Variants in VEZT observed in about 807,000 individuals in gnomAD.
The protein encoded by VEZT is vezatin, adherens junctions transmembrane protein.
A neutral mutation model predicts 79.9 loss-of-function variants in VEZT; 39 were observed. The ratio of observed to expected loss-of-function variants is 0.49; its 90% CI spans 0.38 to 0.64. VEZT has a LOEUF of 0.64. Among genes scored for constraint, VEZT ranks in the 30% least tolerant of loss-of-function variants. The pLI is 0.00. For synonymous variants in VEZT, 325 were observed against 327.6 expected (o/e 0.99, Z 0.09); for missense variants, 837 against 893.1 (o/e 0.94, Z 0.80).
intron 10 of VEZT, 79 bp from the exon 11 acceptor site, chr12:95,295,972 A>T: frequency 9.7e-7 from 1 of 1,034,690 alleles, no homozygotes; most frequent in Non-Finnish European, 1.4e-6. Flanking sequence ...TCTCAGAGAT[A>T]AGTAAGTGCA....
At chr12:95,230,053 T>C (rs1343789994) in intron 1 of VEZT, among the ~76,000 whole-genome samples, 1 of 141,950 alleles carries the variant, frequency 7.0e-6, no homozygotes, top group Non-Finnish European at 1.5e-5. Flanking sequence ...TGCAGCGAGC[T>C]GAGATCACAC....
At chr12:95,293,349 T>C (rs914435530) in intron 9 of VEZT, among the ~76,000 whole-genome samples, 4 of 152,236 alleles carry the variant, frequency 2.6e-5, no homozygotes, top group African/African-American at 9.6e-5. Context: ...ATTTTAACCA[T>C]TTAACTATTG....
At chr12:95,275,001 C>G in intron 7 of VEZT, 112 bp downstream of exon 7, 1 of 1,295,140 alleles carries the variant, frequency 7.7e-7, no homozygotes, top group East Asian at 2.5e-5. Context: ...TTGCTGCATA[C>G]CATCATCATA....
chr12:95,253,627 TTTTTGTTTTG>T (rs2062978080), intron 2 of VEZT, among the ~76,000 whole-genome samples: 1 of 152,184 alleles, frequency 6.6e-6, no homozygotes, highest in Non-Finnish European at 1.5e-5. Flanking sequence ...GACCTCTAAT[TTTTTGTTTTG>T]TTTTGTTTTG....
chr12:95,263,167 A>G, intron 4 of VEZT, 86 bp downstream of exon 4: 2 of 1,188,648 alleles, frequency 1.7e-6, no homozygotes. Context: ...TCCATTGTAA[A>G]GGCATAAACA....
intron 1 of VEZT, chr12:95,245,502 T>G (rs1377987098): frequency 2.2e-6 from 1 of 456,462 alleles, no homozygotes; most frequent in African/African-American, 2.0e-5. Context: ...ACTGTTCCTG[T>G]TTTGTTTTAT....
intron 1 of VEZT, 134 bp from the exon 2 acceptor site, chr12:95,251,806 C>T: frequency 1.5e-6 from 1 of 647,980 alleles, no homozygotes; most frequent in Non-Finnish European, 2.5e-6. Flanking sequence ...ACAGATAATT[C>T]AGTTCTTATA....
chr12:95,272,434 G>A (rs1056918270), intron 6 of VEZT, among the ~76,000 whole-genome samples: 2 of 152,170 alleles, frequency 1.3e-5, no homozygotes, highest in Non-Finnish European at 2.9e-5. Flanking sequence ...CATGATTGGA[G>A]TATAGAAAGA....
rs532694620 is a variant in VEZT, at chr12:95,282,321, C to T, written c.1005C>T (p.Phe335=). 2.5e-6 allele frequency: 4 copies of T among 1,597,914 alleles called. No individual in the cohort carries two copies. The South Asian group carries it at 4.6e-5, about 18-fold the overall frequency. Residue 335 remains phenylalanine (F), a synonymous_variant, in exon 8 of 12, where the codon TTC becomes TTT. Coordinates refer to ENST00000436874, the MANE Select transcript of VEZT (RefSeq NM_017599.4). ...GFSLPALKVL[F]QLWVAQSSEF... Reference sequence around the variant, plus strand: ...TTTCTTTTTTCTTTAAGGTTTTGTTCCAACTCTGGGTGGCACAGAGTTCAG... The same window carrying T: ...TTTCTTTTTTCTTTAAGGTTTTGTTTCAACTCTGGGTGGCACAGAGTTCAG...
Position 95,296,204 on chromosome 12 carries a change from A to T in VEZT, c.1777A>T (p.Lys593Ter). ...LQELKSVLGF[K>*]ASEAERQKWK... ...AGAATTAAAATCTGTGCTGGGATTTAAAGCTTCAGAGGCAGAAAGGCAGAA... is the reference window on the plus strand; with the variant it reads ...AGAATTAAAATCTGTGCTGGGATTTTAAGCTTCAGAGGCAGAAAGGCAGAA... The change falls in exon 11 of 12, where the codon AAA (lysine) becomes TAA (stop). Residue 593 changes from lysine to a stop codon, truncating the protein, a stop_gained. Transcript: ENST00000436874. LOFTEE classifies it high-confidence loss of function. 1.3e-6 allele frequency: 2 copies of T among 1,588,174 alleles called. No individual in the cohort carries two copies. The highest frequency in any genetic ancestry group is 1.7e-6 in the Non-Finnish European group (2 of 1,166,356).
At position 95,242,969 on chromosome 12, in the gene VEZT, GTA is replaced by G. The variant is rs1375359378; in HGVS notation, c.37-8969_37-8968del. ...TTCAAGTTTACATTTTTGTTCCATA[GTA>G]TTTTCTTAAGCCTTTTATACCAGAC... On this transcript the variant is annotated intron_variant, in intron 1 of 11. Coordinates refer to ENST00000436874, the MANE Select transcript of VEZT (RefSeq NM_017599.4). Among the ~76,000 whole-genome samples the G allele has an allele frequency of 2.0e-5, 3 of 151,188 alleles. No individual in the cohort carries two copies. The East Asian group carries it at 5.8e-4, about 29-fold the overall frequency.
At chr12:95,261,255 T>C (rs2064430019) in intron 3 of VEZT, among the ~76,000 whole-genome samples, 1 of 152,140 alleles carries the variant, frequency 6.6e-6, no homozygotes, top group Non-Finnish European at 1.5e-5. Flanking sequence ...GTGGGGATGA[T>C]TAAATTAACT....
chr12:95,256,714 G>T (rs1232964557), intron 2 of VEZT: 1 of 644,332 alleles, frequency 1.6e-6, no homozygotes, highest in African/African-American at 1.9e-5. Flanking sequence ...TTTTGACTTA[G>T]TATTGTGGAA....
intron 7 of VEZT, among the ~76,000 whole-genome samples, chr12:95,275,477 A>G (rs546157768): frequency 5.3e-5 from 8 of 151,832 alleles, no homozygotes; most frequent in Admixed American, 2.6e-4. Context: ...TCACATGCCT[A>G]TGGGAGGCTG....
intron 1 of VEZT, among the ~76,000 whole-genome samples, chr12:95,235,289 A>AC (rs2059902523): frequency 8.9e-6 from 1 of 111,746 alleles, no homozygotes; most frequent in African/African-American, 3.6e-5. Context: ...GCGGGGGCTG[A>AC]CCCCCACCCA....
chr12:95,242,609 C>T (rs1009575529), intron 1 of VEZT, among the ~76,000 whole-genome samples: 3 of 152,094 alleles, frequency 2.0e-5, no homozygotes, highest in Non-Finnish European at 2.9e-5. Context: ...CGTGGTGGCT[C>T]ACGCCTGTAA....
chr12:95,233,154 T>G, intron 1 of VEZT, among the ~76,000 whole-genome samples: 1 of 152,076 alleles, frequency 6.6e-6, no homozygotes, highest in South Asian at 2.1e-4. Context: ...TTTATTCATT[T>G]ACTAAATTCT....
At chr12:95,242,338 AT>A (rs1476862026) in intron 1 of VEZT, 2 of 152,236 alleles carry the variant, frequency 1.3e-5, no homozygotes, top group Non-Finnish European at 1.5e-5. Flanking sequence ...TCTAAAAAAA[AT>A]AAAAATAAAA....
At chr12:95,224,638 C>G (rs1045572281) in intron 1 of VEZT, among the ~76,000 whole-genome samples, 3 of 152,192 alleles carry the variant, frequency 2.0e-5, no homozygotes, top group Non-Finnish European at 4.4e-5. Flanking sequence ...TGAGAAAGGC[C>G]TTCTTTTGAA....
Sources: allele counts gnomAD v4.1 joint callset (sites outside exome capture counted in the v4.1 genomes callset), GRCh38; gene constraint gnomAD v4.1.1; transcripts MANE v1.5; gene names NCBI Gene and HGNC (gene_info 2026-07-23, HGNC 2026-07-21).